Variants in CACNA1B observed in about 807,000 individuals in gnomAD.
The protein encoded by CACNA1B is calcium voltage-gated channel subunit alpha1 B.
CACNA1B carries 70 observed loss-of-function variants against 247.2 expected under a neutral mutation model. The observed-to-expected ratio is 0.28, with a 90% CI of 0.23 to 0.35. The LOEUF (loss-of-function observed/expected upper bound fraction) is 0.35, where lower values mean the gene tolerates loss of function less well. Among genes scored for constraint, CACNA1B ranks in the 10% least tolerant of loss-of-function variants. The probability of loss-of-function intolerance (pLI) is 1.00; values close to 1 mark genes in which losing one functional copy is unlikely to be tolerated. For synonymous variants in CACNA1B, 1,231 were observed against 1,294.4 expected (o/e 0.95, Z 1.05); for missense variants, 2,367 against 3,197.4 (o/e 0.74, Z 6.26).
In CACNA1B at chr9:138,072,314, G is replaced by T. The variant is rs535151781; in HGVS notation, c.4675-1174G>T. On this transcript the variant is annotated intron_variant, in intron 32 of 46. Transcript: ENST00000371372. The surrounding 1 kb of genome is among the most constrained non-coding windows in gnomAD (Gnocchi z 4.5). The stretch of plus-strand genomic sequence containing the variant: ...CTAGGCAGAGGTGTCCTCAGTACGG[G>T]TTGGGCCACTGTCCCTGGAAGGAAG... Among the ~76,000 whole-genome samples the T allele has an allele frequency of 6.6e-6, 1 of 152,328 alleles. No individual in the cohort carries two copies. The highest frequency in any genetic ancestry group is 1.9e-4 in the East Asian group (1 of 5,174).
At chr9:138,074,149 C>A in intron 34 of CACNA1B, 83 bp downstream of exon 34, 1 of 971,636 alleles carries the variant, frequency 1.0e-6, no homozygotes, top group Non-Finnish European at 1.7e-6. Flanking sequence ...ATTGTCAAAT[C>A]ATCGTCATAA....
At chr9:138,029,874 C>G (rs193228074) in intron 20 of CACNA1B, among the ~76,000 whole-genome samples, 1 of 152,092 alleles carries the variant, frequency 6.6e-6, no homozygotes, top group Non-Finnish European at 1.5e-5. Flanking sequence ...CTCAGCCTCC[C>G]GAAGTGTTGG....
At chr9:137,892,523 T>C in intron 3 of CACNA1B, 1 of 371,716 alleles carries the variant, frequency 2.7e-6, no homozygotes, top group Non-Finnish European at 5.4e-6. Context: ...GGGTCCTTTC[T>C]CACGCTTCTC....
chr9:137,949,068 TAG>T (rs1957836162), intron 6 of CACNA1B, among the ~76,000 whole-genome samples: 3 of 85,540 alleles, frequency 3.5e-5, no homozygotes, highest in East Asian at 3.6e-4. Context: ...AGTATGTGTG[TAG>T]TGTGTGTGGT....
intron 36 of CACNA1B, among the ~76,000 whole-genome samples, chr9:138,094,266 T>C (rs1179489058): frequency 6.6e-6 from 1 of 151,688 alleles, no homozygotes; most frequent in Non-Finnish European, 1.5e-5. Flanking sequence ...CAGGGGAGGA[T>C]GGATGAGGAA....
chr9:138,111,688 T>C (rs1961636927), intron 39 of CACNA1B, among the ~76,000 whole-genome samples: 1 of 152,222 alleles, frequency 6.6e-6, no homozygotes, highest in South Asian at 2.1e-4. Context: ...ATTATTTTAT[T>C]CCTCTGCTCA....
chr9:138,069,480 C>T (rs565533486), intron 31 of CACNA1B, among the ~76,000 whole-genome samples: 1 of 152,278 alleles, frequency 6.6e-6, no homozygotes, highest in Non-Finnish European at 1.5e-5. Context: ...ATGTTTTGAT[C>T]TGATATATTT....
intron 10 of CACNA1B, among the ~76,000 whole-genome samples, chr9:137,960,746 C>G (rs913505090): frequency 2.6e-5 from 4 of 152,006 alleles, no homozygotes; most frequent in African/African-American, 9.7e-5. Context: ...CACTTCCAAC[C>G]GGGACCCCAG....
intron 6 of CACNA1B, among the ~76,000 whole-genome samples, chr9:137,941,481 T>A (rs913910628): frequency 6.6e-6 from 1 of 152,134 alleles, no homozygotes; most frequent in African/African-American, 2.4e-5. Context: ...ATGGGTAGAA[T>A]CAATATTGTG....
intron 36 of CACNA1B, among the ~76,000 whole-genome samples, chr9:138,085,361 G>C (rs943507957): frequency 1.3e-4 from 20 of 151,108 alleles, no homozygotes; most frequent in Non-Finnish European, 8.8e-5. Context: ...TAATTAAAAA[G>C]AGTGAAGAAA....
At chr9:138,015,267 G>A (rs1958776954) in intron 18 of CACNA1B, among the ~76,000 whole-genome samples, 1 of 152,170 alleles carries the variant, frequency 6.6e-6, no homozygotes, top group Non-Finnish European at 1.5e-5. Flanking sequence ...CATGTCCTCA[G>A]CCCACTGGTT....
chr9:138,010,622 G>A lies in CACNA1B; in HGVS notation c.2160+545G>A, dbSNP rs1439347668. On this transcript the variant is annotated intron_variant, in intron 17 of 46. Transcript: ENST00000371372. The surrounding 1 kb of genome is among the most constrained non-coding windows in gnomAD (Gnocchi z 5.3). ...GGCTTGTGTGTTGACTCAAGCCCTAGCTCCTAGTAGAGGTGGTGCTGCCTT... is the reference window on the plus strand; with the variant it reads ...GGCTTGTGTGTTGACTCAAGCCCTAACTCCTAGTAGAGGTGGTGCTGCCTT... Among the ~76,000 whole-genome samples, 1 of 152,142 alleles carries A rather than the reference G, an allele frequency of 6.6e-6. No individual in the cohort carries two copies. Among genetic ancestry groups the A allele is most frequent in the African/African-American group, 2.4e-5 (1 of 41,422 alleles).
intron 41 of CACNA1B, among the ~76,000 whole-genome samples, 162 bp downstream of exon 41, chr9:138,114,652 A>G (rs886836539): frequency 1.3e-5 from 2 of 152,178 alleles, no homozygotes; most frequent in Non-Finnish European, 2.9e-5. Context: ...CCCCAGAGTC[A>G]GAAACTACAC....
intron 39 of CACNA1B, among the ~76,000 whole-genome samples, chr9:138,106,097 A>G (rs978807126): frequency 6.6e-6 from 1 of 152,192 alleles, no homozygotes; most frequent in African/African-American, 2.4e-5. Context: ...TGGAACCAGG[A>G]CACAGCCTGG....
intron 39 of CACNA1B, among the ~76,000 whole-genome samples, chr9:138,110,146 G>C (rs928653718): frequency 6.6e-6 from 1 of 151,106 alleles, no homozygotes; most frequent in East Asian, 1.9e-4. Context: ...AGACAGTCTT[G>C]CTCTGTTGCC....
rs1424222213 is a variant in CACNA1B, at chr9:138,014,341, G to A, written c.2267+1106G>A. Among the ~76,000 whole-genome samples the A allele has an allele frequency of 3.3e-5, 5 of 152,176 alleles. No homozygotes were observed. The highest frequency in any genetic ancestry group is 6.5e-5 in the Admixed American group (1 of 15,284). On this transcript the variant is annotated intron_variant, in intron 18 of 46. Transcript: ENST00000371372. The surrounding 1 kb of genome is among the most constrained non-coding windows in gnomAD (Gnocchi z 6.2). ...AGGGCACCAGGAAGATGGTGTTTGC[G>A]GAGGGCCTGTCTCTAAGCCTAGCAG...
chr9:138,066,816 G>A (rs760342090), intron 31 of CACNA1B, among the ~76,000 whole-genome samples: 13 of 152,128 alleles, frequency 8.5e-5, no homozygotes, highest in Non-Finnish European at 1.3e-4. Context: ...AATGAGTTTA[G>A]CATCTAACTT....
At position 137,914,879 on chromosome 9, in the gene CACNA1B, T is replaced by C; in HGVS notation, c.775+73T>C. ...TTCATCCAGGAGATGGGCACTGTTCTAGGTGCTAGAGGGGCCTTCTTGGTG... is the reference window on the plus strand; with the variant it reads ...TTCATCCAGGAGATGGGCACTGTTCCAGGTGCTAGAGGGGCCTTCTTGGTG... On this transcript the variant is annotated intron_variant, in intron 5 of 46. Coordinates refer to ENST00000371372, the MANE Select transcript of CACNA1B (RefSeq NM_000718.4). This position sits in a 1 kb window ranked among gnomAD's most constrained non-coding sequence, Gnocchi z 4.3. The C allele has an allele frequency of 6.5e-7, 1 of 1,548,142 alleles. No homozygotes were observed. The highest frequency in any genetic ancestry group is 1.4e-5 in the African/African-American group (1 of 73,996).
intron 38 of CACNA1B, among the ~76,000 whole-genome samples, chr9:138,105,219 C>T (rs1483268407): frequency 6.6e-6 from 1 of 152,220 alleles, no homozygotes; most frequent in African/African-American, 2.4e-5. Context: ...TAGGGGCCCC[C>T]ACTGGGAGCT....
Sources: gnomAD v4.1 joint callset for allele counts (sites outside exome capture counted in the v4.1 genomes callset) on GRCh38, gnomAD v4.1.1 for gene constraint, Gnocchi (gnomAD v3.1) non-coding constraint, MANE v1.5 for transcripts, NCBI Gene and HGNC (gene_info 2026-07-23, HGNC 2026-07-21) for gene names.